The following TENM2 variants were observed in gnomAD, a reference collection of about 807,000 sequenced individuals.
The protein encoded by TENM2 is teneurin-2.
A neutral mutation model predicts 245.2 loss-of-function variants in TENM2; 52 were observed. The ratio of observed to expected loss-of-function variants is 0.21; its 90% confidence interval spans 0.17 to 0.27. TENM2 has a LOEUF of 0.27. TENM2 is among the 10% of genes least tolerant of loss of function. The pLI is 1.00. For synonymous variants in TENM2, 1,363 were observed against 1,438.9 expected (o/e 0.95, Z 1.19); for missense variants, 3,046 against 3,666.8 (o/e 0.83, Z 4.37).
At chr5:167,865,400 A>C (rs978414256) in intron 2 of TENM2, among the ~76,000 whole-genome samples, 1 of 151,944 alleles carries the variant, frequency 6.6e-6, no homozygotes, top group South Asian at 2.1e-4. Flanking sequence ...CAGCCCCCCA[A>C]GTAATTGGGA....
intron 7 of TENM2, among the ~76,000 whole-genome samples, chr5:168,068,292 A>G (rs1417630277): frequency 3.9e-5 from 6 of 152,308 alleles, no homozygotes; most frequent in Non-Finnish European, 8.8e-5. Flanking sequence ...AGCAACAGAG[A>G]AAACAGGAAT....
chr5:168,163,213 T>C (rs1463393615), intron 13 of TENM2, among the ~76,000 whole-genome samples: 1 of 152,198 alleles, frequency 6.6e-6, no homozygotes, highest in Non-Finnish European at 1.5e-5. Context: ...ATTAAGTAAC[T>C]TTTTCGAGAT....
chr5:167,955,877 A>G (rs1561979052), intron 4 of TENM2, among the ~76,000 whole-genome samples: 1 of 152,154 alleles, frequency 6.6e-6, no homozygotes, highest in Non-Finnish European at 1.5e-5. Context: ...GTAACCTTGT[A>G]GTATAGTTTG....
intron 2 of TENM2, among the ~76,000 whole-genome samples, chr5:167,411,607 T>C (rs868400594): frequency 1.1e-4 from 15 of 132,958 alleles, no homozygotes; most frequent in African/African-American, 3.4e-4. Context: ...TGTGTGTGTG[T>C]GTATGTATGT....
At chr5:167,885,769 C>T (rs572303759) in intron 3 of TENM2, among the ~76,000 whole-genome samples, 11 of 152,310 alleles carry the variant, frequency 7.2e-5, no homozygotes, top group African/African-American at 1.7e-4. Context: ...CTGCAACCTC[C>T]GTCTCCCAGG....
chr5:167,758,081 A>C (rs1762426087), intron 2 of TENM2, among the ~76,000 whole-genome samples: 1 of 152,092 alleles, frequency 6.6e-6, no homozygotes, highest in South Asian at 2.1e-4. Context: ...GTTGTCTTTT[A>C]TACTTTCCTT....
chr5:167,906,563 T>C (rs1379321220), intron 3 of TENM2, among the ~76,000 whole-genome samples: 1 of 152,174 alleles, frequency 6.6e-6, no homozygotes, highest in Non-Finnish European at 1.5e-5. Context: ...CTGCACCTCC[T>C]ACCCACTCTG....
At chr5:167,504,481 T>C (rs1258621543) in intron 2 of TENM2, among the ~76,000 whole-genome samples, 2 of 152,204 alleles carry the variant, frequency 1.3e-5, no homozygotes, top group Non-Finnish European at 2.9e-5. Flanking sequence ...TGTTTAGACA[T>C]GCAAAATCTA....
At chr5:167,858,620 G>A (rs2151261260) in intron 2 of TENM2, among the ~76,000 whole-genome samples, 1 of 151,794 alleles carries the variant, frequency 6.6e-6, no homozygotes, top group East Asian at 1.9e-4. Context: ...GGTGGTGGTT[G>A]GCGCGGCTGC....
chr5:168,141,532 G>C (rs931703135), intron 12 of TENM2, among the ~76,000 whole-genome samples: 1 of 152,114 alleles, frequency 6.6e-6, no homozygotes, highest in Non-Finnish European at 1.5e-5. Context: ...CCTTTCCCAG[G>C]GATGAAACCT....
At chr5:167,885,296 T>C (rs112327777) in intron 3 of TENM2, among the ~76,000 whole-genome samples, 1 of 152,202 alleles carries the variant, frequency 6.6e-6, no homozygotes, top group South Asian at 2.1e-4. Flanking sequence ...GTCTATGCTT[T>C]TGGTGTCATG....
intron 2 of TENM2, among the ~76,000 whole-genome samples, chr5:167,567,074 A>G (rs539029348): frequency 6.6e-6 from 1 of 152,318 alleles, no homozygotes; most frequent in East Asian, 1.9e-4. Context: ...CTAATTTCAG[A>G]AAACTATTTA....
At chr5:167,969,780 A>T (rs1357982634) in intron 4 of TENM2, among the ~76,000 whole-genome samples, 1 of 152,200 alleles carries the variant, frequency 6.6e-6, no homozygotes, top group Non-Finnish European at 1.5e-5. Flanking sequence ...TGACATTTCA[A>T]CAACACTCCC....
chr5:167,410,093 G>C (rs913672200), intron 2 of TENM2, among the ~76,000 whole-genome samples: 8 of 151,940 alleles, frequency 5.3e-5, no homozygotes, highest in African/African-American at 1.4e-4. Context: ...TACCTGTCCA[G>C]TATGGAGCAT....
chr5:167,711,250 A>C (rs953250389), intron 2 of TENM2, among the ~76,000 whole-genome samples: 1 of 152,252 alleles, frequency 6.6e-6, no homozygotes, highest in African/African-American at 2.4e-5. Context: ...GAAATTAGCC[A>C]GGCTAGGTGA....
At chr5:167,994,849 G>C (rs1331212229) in intron 5 of TENM2, among the ~76,000 whole-genome samples, 1 of 152,160 alleles carries the variant, frequency 6.6e-6, no homozygotes, top group African/African-American at 2.4e-5. Context: ...CCTCAGAAAG[G>C]CGGAAGGATA....
chr5:167,025,278 A>G, the TENM2 span, among the ~76,000 whole-genome samples: 3 of 152,206 alleles, frequency 2.0e-5, no homozygotes, highest in Non-Finnish European at 4.4e-5. Context: ...TTCTTTTTTC[A>G]TACTAAATCT....
intron 2 of TENM2, among the ~76,000 whole-genome samples, chr5:167,572,538 G>T (rs980855098): frequency 6.6e-6 from 1 of 152,104 alleles, no homozygotes; most frequent in Admixed American, 6.6e-5. Flanking sequence ...TACTGTTTTA[G>T]CTCTGCTTAC....
chr5:167,004,647 A>T, the TENM2 span, among the ~76,000 whole-genome samples: 1 of 152,238 alleles, frequency 6.6e-6, no homozygotes, highest in African/African-American at 2.4e-5. Flanking sequence ...GAATAAGTAC[A>T]TGGCATATTA....
Sources: gnomAD v4.1 joint callset for allele counts (sites outside exome capture counted in the v4.1 genomes callset) on GRCh38, gnomAD v4.1.1 for gene constraint, MANE v1.5 for transcripts, NCBI Gene and HGNC (gene_info 2026-07-23, HGNC 2026-07-21) for gene names.